CERT1: variants seen among roughly 807,000 people sequenced by gnomAD.
CERT1 encodes the protein ceramide transfer protein.
CERT1 carries 31 observed loss-of-function variants against 87.9 expected under a neutral mutation model. The observed-to-expected ratio is 0.35, with a 90% CI of 0.27 to 0.48. The LOEUF is 0.48. CERT1 is among the 20% of genes least tolerant of loss of function. The pLI is 0.99. For missense variants in CERT1, 487 were observed against 758.0 expected, an observed-to-expected ratio of 0.64 and a Z score of 4.20; for synonymous variants, 289 against 250.9, an observed-to-expected ratio of 1.15 and a Z score of -1.44.
chr5:75,489,949 T>C (rs148864281), intron 2 of CERT1, among the ~76,000 whole-genome samples: 57 of 151,758 alleles, frequency 3.8e-4, no homozygotes, highest in African/African-American at 1.4e-3. Context: ...ACAACAGCAA[T>C]TGCCCATCAA....
In CERT1 at chr5:75,511,069, G is replaced by A. The variant is rs778841847; in HGVS notation, c.96+43C>T. The A allele has an allele frequency of 9.4e-6, 14 of 1,496,378 alleles. No individual in the cohort carries two copies. The South Asian group carries it at 1.9e-4, about 20-fold the overall frequency. The allele number at this position is 1,496,378 out of a possible 1,614,324, so 92.7% of individuals were successfully genotyped here. A position where few individuals can be genotyped will look rare whatever the true frequency, so the allele number is the denominator to read the frequency against. ...CGCCTCAGCGGATTGCCTCGCTGCA[G>A]GTGAGTCTGGCCAGGGGTCCCTTGG... On this transcript the variant is annotated intron_variant, in intron 1 of 16. Transcript: ENST00000643780.
At chr5:75,399,169 G>A (rs1015843759) in intron 11 of CERT1, 141 bp downstream of exon 11, 5 of 638,396 alleles carry the variant, frequency 7.8e-6, no homozygotes, top group African/African-American at 1.8e-5. Context: ...AGACAAGGAA[G>A]ACCTTTTTAA....
chr5:75,374,070 C>T, downstream of CERT1: 1 of 398,430 alleles, frequency 2.5e-6, no homozygotes, highest in African/African-American at 2.1e-5. Context: ...CATTTTTGTA[C>T]ACAAGGCCAA....
chr5:75,372,468 G>C (rs1174797098), intron 17 of CERT1: 1 of 151,980 alleles, frequency 6.6e-6, no homozygotes, highest in Non-Finnish European at 1.5e-5. Flanking sequence ...TGTCTTATTT[G>C]CCTTACTAGC....
At chr5:75,510,332 C>G (rs1767879233) in intron 1 of CERT1, among the ~76,000 whole-genome samples, 1 of 152,104 alleles carries the variant, frequency 6.6e-6, no homozygotes, top group Non-Finnish European at 1.5e-5. Flanking sequence ...AAGAGATCAT[C>G]CACCTGCAGT....
intron 2 of CERT1, among the ~76,000 whole-genome samples, chr5:75,494,228 C>T (rs1159535275): frequency 6.6e-6 from 1 of 152,194 alleles, no homozygotes; most frequent in African/African-American, 2.4e-5. Flanking sequence ...AAATGGGCTT[C>T]ACCACAGGAT....
At position 75,379,425 on chromosome 5, in the gene CERT1, T is replaced by C. The variant is rs55882089; in HGVS notation, c.1796A>G (p.Lys599Arg). 31 of 1,614,012 alleles carry C rather than the reference T, an allele frequency of 1.9e-5. No individual in the cohort carries two copies. Among genetic ancestry groups the C allele is most frequent in the Non-Finnish European group, 2.6e-5 (31 of 1,179,916 alleles). The change falls in exon 17 of 17, where the codon AAG becomes AGG. Residue 599 changes from lysine to arginine, a missense_variant. Lys to Arg is a conservative substitution (Grantham distance 26). Coordinates refer to ENST00000643780, the MANE Select transcript of CERT1 (RefSeq NM_001379029.1). ...APASVLRAVA[K>R]REYPKFLKRF... The stretch of plus-strand genomic sequence containing the variant: ...TTTTAGAAATTTAGGATACTCTCGC[T>C]TTGCCACTGCCCTTAACACTGAGGC...
intron 2 of CERT1, among the ~76,000 whole-genome samples, chr5:75,497,721 TAA>T (rs1368689186): frequency 2.0e-5 from 3 of 152,118 alleles, no homozygotes; most frequent in Non-Finnish European, 4.4e-5. Flanking sequence ...GTGAGTCAAT[TAA>T]AACTCTTTTC....
chr5:75,454,280 G>A (rs1764880882), intron 3 of CERT1, among the ~76,000 whole-genome samples: 1 of 152,132 alleles, frequency 6.6e-6, no homozygotes, highest in South Asian at 2.1e-4. Context: ...GTATTAGTTG[G>A]TGCTAATGCA....
chr5:75,398,755 A>C (rs908917063), intron 11 of CERT1, among the ~76,000 whole-genome samples: 3 of 152,228 alleles, frequency 2.0e-5, no homozygotes, highest in African/African-American at 7.2e-5. Flanking sequence ...AATTAAAACA[A>C]ATTTCCATAG....
At chr5:75,503,870 T>TAAATG (rs1419657533) in intron 2 of CERT1, among the ~76,000 whole-genome samples, 7,188 of 110,780 alleles carry the variant, frequency 0.065, 328 homozygotes, top group African/African-American at 0.085. Context: ...ACATTTAAAT[T>TAAATG]TTTTGTTTAA....
At chr5:75,504,537 T>C (rs544581097) in intron 2 of CERT1, among the ~76,000 whole-genome samples, 19 of 152,212 alleles carry the variant, frequency 1.2e-4, no homozygotes, top group Non-Finnish European at 1.6e-4. Context: ...ATAACAAACA[T>C]ACGCTAAGTA....
intron 3 of CERT1, among the ~76,000 whole-genome samples, chr5:75,457,075 T>C (rs965929313): frequency 2.0e-5 from 3 of 152,212 alleles, no homozygotes; most frequent in African/African-American, 7.2e-5. Context: ...CTTAATAACA[T>C]CTTTAATCAC....
intron 9 of CERT1, chr5:75,402,221 G>A (rs1012339748): frequency 1.3e-5 from 2 of 152,128 alleles, no homozygotes; most frequent in East Asian, 1.9e-4. Flanking sequence ...AGGTAATAAA[G>A]GGGTTAATAA....
At chr5:75,429,358 T>C (rs1763768165) in intron 3 of CERT1, among the ~76,000 whole-genome samples, 1 of 151,934 alleles carries the variant, frequency 6.6e-6, no homozygotes, top group Admixed American at 6.5e-5. Context: ...TGTGCCACCA[T>C]GTCCAGATAA....
intron 7 of CERT1, among the ~76,000 whole-genome samples, chr5:75,412,610 A>T (rs1352788106): frequency 6.6e-6 from 1 of 152,236 alleles, no homozygotes; most frequent in Non-Finnish European, 1.5e-5. Context: ...CCTACTACAC[A>T]TCTAGGCTAT....
At chr5:75,510,317 A>G (rs1281491490) in intron 1 of CERT1, among the ~76,000 whole-genome samples, 1 of 152,238 alleles carries the variant, frequency 6.6e-6, no homozygotes, top group Admixed American at 6.5e-5. Context: ...CAACTATGTA[A>G]TATCAAGAGA....
At chr5:75,507,852 T>C (rs1473064211) in intron 1 of CERT1, among the ~76,000 whole-genome samples, 1 of 152,180 alleles carries the variant, frequency 6.6e-6, no homozygotes, top group Non-Finnish European at 1.5e-5. Flanking sequence ...AAGTGTTCCT[T>C]CTCAATATTT....
rs541042035 is a variant in CERT1, at chr5:75,435,424, C to T, written c.349-8946G>A. 2.0e-5 allele frequency among the ~76,000 whole-genome samples: 3 copies of T among 152,318 alleles called. No individual in the cohort carries two copies. In the South Asian group the frequency reaches 6.2e-4, roughly 32 times the overall value. On this transcript the variant is annotated intron_variant, in intron 3 of 16. Coordinates refer to ENST00000643780, the MANE Select transcript of CERT1 (RefSeq NM_001379029.1). ...TCCAGATTCTGAATTCTGTAGCTAT[C>T]ATTTTAGCCATTTCAGTCTGCTTCA...
Sources: allele counts gnomAD v4.1 joint callset (sites outside exome capture counted in the v4.1 genomes callset), GRCh38; gene constraint gnomAD v4.1.1; transcripts MANE v1.5; gene names NCBI Gene and HGNC (gene_info 2026-07-23, HGNC 2026-07-21).